CTNNA3: variants seen among roughly 807,000 people sequenced by gnomAD.
CTNNA3 encodes the protein catenin alpha 3, also known as catenin alpha-3.
CTNNA3 carries 76 observed loss-of-function variants against 95.7 expected under a neutral mutation model. The observed-to-expected ratio is 0.79, with a 90% CI of 0.66 to 0.96. The LOEUF is 0.96. CTNNA3 is among the 40% of genes least tolerant of loss of function. The pLI, the probability that CTNNA3 is intolerant of heterozygous loss-of-function variation, is 0.00. For missense variants in CTNNA3, 1,191 were observed against 1,089.8 expected, an observed-to-expected ratio of 1.09 and a Z score of -1.31; for synonymous variants, 431 against 374.4, an observed-to-expected ratio of 1.15 and a Z score of -1.74.
intron 7 of CTNNA3, among the ~76,000 whole-genome samples, chr10:66,984,211 G>A (rs1589546521): frequency 6.6e-6 from 1 of 152,122 alleles, no homozygotes; most frequent in Non-Finnish European, 1.5e-5. Flanking sequence ...ATATTTCAAC[G>A]AATGATGACG....
chr10:66,111,725 A>G (rs2133780315), intron 13 of CTNNA3, among the ~76,000 whole-genome samples: 1 of 152,264 alleles, frequency 6.6e-6, no homozygotes, highest in South Asian at 2.1e-4. Context: ...GGCAGAAGAG[A>G]GGAACGAGTG....
chr10:67,138,732 T>C (rs531773671), intron 7 of CTNNA3, among the ~76,000 whole-genome samples: 11 of 152,292 alleles, frequency 7.2e-5, no homozygotes, highest in Non-Finnish European at 1.3e-4. Context: ...CCAACCCAAC[T>C]TTCTGGGTTT....
intron 7 of CTNNA3, among the ~76,000 whole-genome samples, chr10:67,145,165 C>G (rs1235417852): frequency 1.3e-5 from 2 of 152,012 alleles, no homozygotes; most frequent in African/African-American, 4.8e-5. Flanking sequence ...CCATGGTGCG[C>G]CAAAATAATT....
intron 14 of CTNNA3, among the ~76,000 whole-genome samples, chr10:66,099,668 G>C (rs181770123): frequency 6.6e-6 from 1 of 152,038 alleles, no homozygotes; most frequent in African/African-American, 2.4e-5. Flanking sequence ...GGGTGTTATT[G>C]GTACCAAATT....
At chr10:66,244,268 T>G (rs34567604) in intron 13 of CTNNA3, among the ~76,000 whole-genome samples, 11,849 of 152,266 alleles carry the variant, frequency 0.078, 600 homozygotes, top group Admixed American at 0.13. Flanking sequence ...TAACGTTTTT[T>G]ACTTCAATCC....
At chr10:66,455,458 G>C (rs182773792) in intron 11 of CTNNA3, among the ~76,000 whole-genome samples, 1 of 152,236 alleles carries the variant, frequency 6.6e-6, no homozygotes, top group East Asian at 1.9e-4. Flanking sequence ...ACAGGATGAA[G>C]TGAAGAAACC....
rs541033269 is a variant in CTNNA3, at chr10:67,208,171, G to C, written c.843+11436C>G. 2.6e-5 allele frequency among the ~76,000 whole-genome samples: 4 copies of C among 152,100 alleles called. No homozygotes were observed. In the East Asian group the frequency reaches 7.7e-4, roughly 29 times the overall value. ...GTGGATCACGAGGTCAGGAGTCCAA[G>C]ACCAGCCTGGCCAAGATGGTGAAAC... On this transcript the variant is annotated intron_variant, in intron 6 of 17. Coordinates refer to ENST00000433211, the MANE Select transcript of CTNNA3 (RefSeq NM_013266.4).
intron 5 of CTNNA3, among the ~76,000 whole-genome samples, chr10:67,438,282 A>C (rs907141512): frequency 2.6e-5 from 4 of 152,100 alleles, no homozygotes; most frequent in African/African-American, 9.7e-5. Flanking sequence ...TAAAGTATAA[A>C]TTTCATGAGG....
chr10:66,075,721 G>T (rs999840946), intron 14 of CTNNA3, among the ~76,000 whole-genome samples: 1 of 151,622 alleles, frequency 6.6e-6, no homozygotes, highest in Non-Finnish European at 1.5e-5. Context: ...CACTTATTTT[G>T]CAGATAAGAA....
intron 7 of CTNNA3, among the ~76,000 whole-genome samples, chr10:66,901,863 C>A (rs1845761060): frequency 2.0e-5 from 3 of 152,284 alleles, no homozygotes; most frequent in South Asian, 4.1e-4. Flanking sequence ...TACAGGAGCA[C>A]CCAGATTCAT....
chr10:67,571,914 T>C (rs1350795419), intron 3 of CTNNA3, among the ~76,000 whole-genome samples: 1 of 152,202 alleles, frequency 6.6e-6, no homozygotes, highest in Non-Finnish European at 1.5e-5. Context: ...AACTTTAAAT[T>C]ATGAGTATGT....
At chr10:66,485,837 A>G (rs1269630130) in intron 11 of CTNNA3, among the ~76,000 whole-genome samples, 1 of 152,202 alleles carries the variant, frequency 6.6e-6, no homozygotes, top group Non-Finnish European at 1.5e-5. Flanking sequence ...TCTGACTTCA[A>G]GATATACTAC....
At chr10:67,659,282 G>A (rs1840112772) in intron 1 of CTNNA3, among the ~76,000 whole-genome samples, 1 of 152,038 alleles carries the variant, frequency 6.6e-6, no homozygotes, top group African/African-American at 2.4e-5. Flanking sequence ...TACCTGAAAA[G>A]TAATATTGTA....
intron 11 of CTNNA3, among the ~76,000 whole-genome samples, chr10:66,392,746 T>C (rs2092944021): frequency 6.6e-6 from 1 of 152,036 alleles, no homozygotes; most frequent in Non-Finnish European, 1.5e-5. Context: ...CTGGTGAAAA[T>C]GTAGAGCAAT....
chr10:66,016,963 T>C (rs998966899), intron 15 of CTNNA3, among the ~76,000 whole-genome samples: 3 of 152,150 alleles, frequency 2.0e-5, no homozygotes, highest in African/African-American at 7.2e-5. Context: ...GATACTTAAA[T>C]AAAAACTAAT....
intron 12 of CTNNA3, among the ~76,000 whole-genome samples, chr10:66,316,683 C>T (rs1367582047): frequency 6.6e-6 from 1 of 152,058 alleles, no homozygotes; most frequent in East Asian, 1.9e-4. Context: ...GAATTCCACA[C>T]AGACAGTGGC....
At chr10:66,312,642 G>T (rs959533953) in intron 12 of CTNNA3, among the ~76,000 whole-genome samples, 19 of 151,916 alleles carry the variant, frequency 1.3e-4, no homozygotes, top group Non-Finnish European at 1.9e-4. Context: ...CACCTCCTGG[G>T]TTCAAGAGAT....
intron 5 of CTNNA3, among the ~76,000 whole-genome samples, chr10:67,381,446 T>C (rs1843941292): frequency 6.6e-6 from 1 of 152,134 alleles, no homozygotes; most frequent in African/African-American, 2.4e-5. Context: ...CACAGCCTTC[T>C]GAAAATGAAA....
At chr10:65,936,957 T>G (rs1046031090) in intron 17 of CTNNA3, among the ~76,000 whole-genome samples, 3 of 151,862 alleles carry the variant, frequency 2.0e-5, no homozygotes, top group Admixed American at 6.6e-5. Context: ...CTTGTTGACA[T>G]GACAATTACA....
Sources: allele counts gnomAD v4.1 joint callset (sites outside exome capture counted in the v4.1 genomes callset), GRCh38; gene constraint gnomAD v4.1.1; transcripts MANE v1.5; gene names NCBI Gene and HGNC (gene_info 2026-07-23, HGNC 2026-07-21).